The following MAMLD1 variants were observed in gnomAD, a reference collection of about 807,000 sequenced individuals.
MAMLD1 encodes mastermind like domain containing 1.
Under a neutral mutation model 45.0 loss-of-function variants are expected in MAMLD1, and 14 were observed. The ratio of observed to expected loss-of-function variants is 0.31; its 90% CI spans 0.21 to 0.49. The LOEUF (loss-of-function observed/expected upper bound fraction) is 0.49. Ranked by LOEUF, MAMLD1 falls within the 20% of genes least tolerant of loss-of-function variation. The pLI, the probability that MAMLD1 is intolerant of heterozygous loss-of-function variation, is 0.99. For missense variants in MAMLD1, 543 were observed against 603.6 expected, an observed-to-expected ratio of 0.90 and a Z score of 1.05; for synonymous variants, 254 against 247.8, an observed-to-expected ratio of 1.02 and a Z score of -0.24.
At chrX:150,432,359 C>T (rs948832869) in intron 1 of MAMLD1, among the ~76,000 whole-genome samples, 4 of 111,754 alleles carry the variant, frequency 3.6e-5, no homozygotes, top group Admixed American at 9.5e-5. Flanking sequence ...TGTCCCATTT[C>T]GTAGGTTATC....
chrX:150,434,712 C>A (rs1215646522), intron 1 of MAMLD1, among the ~76,000 whole-genome samples: 1 of 112,000 alleles, frequency 8.9e-6, no homozygotes, highest in Admixed American at 9.5e-5. Context: ...TCCATGTAAT[C>A]ATATGATTTT....
chrX:150,401,174 G>A (rs1380602217), intron 1 of MAMLD1, among the ~76,000 whole-genome samples: 1 of 111,157 alleles, frequency 9.0e-6, no homozygotes, highest in Non-Finnish European at 1.9e-5. Context: ...ACTTCTTCCT[G>A]GTTTAGTCTT....
chrX:150,502,443 G>A lies in MAMLD1; in HGVS notation c.2041-831G>A, dbSNP rs781863761. 3.6e-4 allele frequency among the ~76,000 whole-genome samples: 41 copies of A among 112,535 alleles called. 2 individuals are homozygous for A. In the South Asian group the frequency reaches 0.014, roughly 39 times the overall value. The stretch of plus-strand genomic sequence containing the variant: ...CTGTTGCTAAGCACTTGGTGTGCTC[G>A]TCAGGGTACCAGGGCTCTTAGCAGC... On this transcript the variant is annotated intron_variant, in intron 5 of 7. Coordinates refer to ENST00000370401, the MANE Select transcript of MAMLD1 (RefSeq NM_005491.5).
chrX:150,398,382 AGAG>A (rs782212571), intron 1 of MAMLD1, among the ~76,000 whole-genome samples: 2 of 109,265 alleles, frequency 1.8e-5, no homozygotes, highest in East Asian at 5.7e-4. Context: ...AGGAAGAAGA[AGAG>A]GAAGAAGAAG....
At chrX:150,421,804 A>G (rs1475126160) in intron 1 of MAMLD1, among the ~76,000 whole-genome samples, 2 of 112,072 alleles carry the variant, frequency 1.8e-5, no homozygotes, top group Non-Finnish European at 3.8e-5. Flanking sequence ...CTTTGCTTGA[A>G]ATCTGGGGGA....
intron 1 of MAMLD1, among the ~76,000 whole-genome samples, chrX:150,380,635 T>A (rs1272348802): frequency 2.7e-5 from 3 of 112,062 alleles, no homozygotes; most frequent in Non-Finnish European, 5.6e-5. Flanking sequence ...TTTCTTCCAG[T>A]ATTTGTATGG....
Position 150,469,655 on chromosome X carries a change from C to CTCTCTCTCTCTCTCTCTGTG in MAMLD1, c.172-89_172-88insCTCTCTCTCTCTCTCTGTGT, listed in dbSNP as rs1159384506. On this transcript the variant is annotated intron_variant, in intron 3 of 7. Coordinates refer to ENST00000370401, the MANE Select transcript of MAMLD1 (RefSeq NM_005491.5). ...TCTCTGTCTCTCTCTCTCTCTCTCT[C>CTCTCTCTCTCTCTCTCTGTG]TGTGTGTGTGTGTGTGTGTGTGTGT... 1.4e-5 allele frequency: 4 copies of CTCTCTCTCTCTCTCTCTGTG among 291,315 alleles called. No individual in the cohort carries two copies. In the African/African-American group the frequency reaches 1.4e-4, roughly 10 times the overall value. The allele number at this position is 291,315 out of a possible 1,213,427, so 24.0% of individuals were successfully genotyped here. A position where few individuals can be genotyped will look rare whatever the true frequency, so the allele number is the denominator to read the frequency against.
At chrX:150,423,614 AAGAGAGAG>A (rs138772700) in intron 1 of MAMLD1, among the ~76,000 whole-genome samples, 185 of 101,668 alleles carry the variant, frequency 1.8e-3, no homozygotes, top group African/African-American at 6.3e-3. Context: ...AAGAGAGAGA[AAGAGAGAG>A]AGAGAGAGAG....
chrX:150,400,246 T>C (rs1179505959), intron 1 of MAMLD1, among the ~76,000 whole-genome samples: 1 of 112,070 alleles, frequency 8.9e-6, no homozygotes, highest in Non-Finnish European at 1.9e-5. Flanking sequence ...TCTCTTATTG[T>C]GACAGCTACA....
At chrX:150,488,990 C>CA (rs2037086244) in intron 5 of MAMLD1, among the ~76,000 whole-genome samples, 1 of 112,963 alleles carries the variant, frequency 8.9e-6, no homozygotes, top group African/African-American at 3.2e-5. Flanking sequence ...GTAGAGTTGT[C>CA]AGGAGTTTCC....
At chrX:150,429,151 T>G (rs1033816239) in intron 1 of MAMLD1, among the ~76,000 whole-genome samples, 11 of 110,024 alleles carry the variant, frequency 1.0e-4, no homozygotes, top group Non-Finnish European at 1.9e-4. Context: ...GGCCTCTTTT[T>G]TTTCTTCTTC....
chrX:150,403,960 G>GAAAGAAAGAA (rs1386537107), intron 1 of MAMLD1, among the ~76,000 whole-genome samples: 8 of 81,005 alleles, frequency 9.9e-5, no homozygotes, highest in African/African-American at 4.3e-4. Flanking sequence ...AAGAAAGAAA[G>GAAAGAAAGAA]AAAGAAAGAA....
intron 2 of MAMLD1, among the ~76,000 whole-genome samples, chrX:150,446,416 C>G (rs1162236940): frequency 9.0e-6 from 1 of 111,644 alleles, no homozygotes; most frequent in Non-Finnish European, 1.9e-5. Flanking sequence ...AAGCCCTGGG[C>G]TCTGAGGTAA....
intron 1 of MAMLD1, among the ~76,000 whole-genome samples, chrX:150,383,066 G>C (rs1315390533): frequency 1.7e-5 from 1 of 58,856 alleles, no homozygotes; most frequent in Non-Finnish European, 3.0e-5. Flanking sequence ...CACCACGCCC[G>C]GCTAATTTCT....
chrX:150,397,533 A>G (rs782309260), intron 1 of MAMLD1, among the ~76,000 whole-genome samples: 1 of 111,611 alleles, frequency 9.0e-6, no homozygotes, highest in South Asian at 3.8e-4. Context: ...GTTTGGGAAT[A>G]TGGAATAAAC....
In MAMLD1 at chrX:150,503,419, C is replaced by G; in HGVS notation, c.2186C>G (p.Ser729Cys). The G allele has an allele frequency of 8.3e-7, 1 of 1,212,058 alleles. No individual in the cohort carries two copies. The highest frequency in any genetic ancestry group is 1.1e-6 in the Non-Finnish European group (1 of 895,489). Reference protein sequence around the residue: ...SFAHELARVTSSYSTSEAAPW... With the variant: ...SFAHELARVTCSYSTSEAAPW... ...GCTCATGAGCTGGCCCGAGTCACCT[C>G]CTCGTACAGCACCTCAGAGGCAGCG... Residue 729 changes from serine (S) to cysteine (C), a missense_variant, in exon 6 of 8, where the codon TCC becomes TGC. Ser to Cys is a moderately radical substitution (Grantham distance 112). Coordinates refer to ENST00000370401, the MANE Select transcript of MAMLD1 (RefSeq NM_005491.5).
chrX:150,382,884 TA>T (rs1324932207), intron 1 of MAMLD1, among the ~76,000 whole-genome samples: 2,699 of 35,659 alleles, frequency 0.076, 643 homozygotes, highest in South Asian at 0.1. Context: ...CATTTTATTT[TA>T]TTTTTTTTTT....
chrX:150,507,521 C>T (rs1557408885), intron 6 of MAMLD1, among the ~76,000 whole-genome samples: 1 of 111,875 alleles, frequency 8.9e-6, no homozygotes. Flanking sequence ...TGGACACTGC[C>T]GTAAGGTGAA....
chrX:150,488,369 G>A (rs1557407752), intron 5 of MAMLD1, among the ~76,000 whole-genome samples: 3 of 112,762 alleles, frequency 2.7e-5, no homozygotes, highest in Non-Finnish European at 5.6e-5. Context: ...CAGCAAGGCT[G>A]TAAAATGATG....
Sources: gnomAD v4.1 joint callset for allele counts (sites outside exome capture counted in the v4.1 genomes callset) on GRCh38, gnomAD v4.1.1 for gene constraint, MANE v1.5 for transcripts, NCBI Gene and HGNC (gene_info 2026-07-23, HGNC 2026-07-21) for gene names.